The following GRM1 variants were observed in gnomAD, a reference collection of about 807,000 sequenced individuals.
GRM1 encodes glutamate metabotropic receptor 1, also known as metabotropic glutamate receptor 1.
Under a neutral mutation model 90.9 loss-of-function variants are expected in GRM1, and 33 were observed. That is an observed-to-expected ratio of 0.36 (90% CI 0.28 to 0.49). The LOEUF is 0.49. GRM1 is among the 20% of genes least tolerant of loss of function. GRM1 has a pLI of 0.99. For missense variants in GRM1, 1,190 were observed against 1,534.3 expected (o/e 0.78, Z 3.75); for synonymous variants, 700 against 613.2 (o/e 1.14, Z -2.09).
intron 1 of GRM1, among the ~76,000 whole-genome samples, chr6:146,146,158 G>A (rs897630346): frequency 6.5e-5 from 5 of 77,028 alleles, no homozygotes; most frequent in Admixed American, 4.3e-4. Context: ...GCGCCATCTC[G>A]GTTCACTGCA....
chr6:146,268,258 C>A (rs1479112989), intron 2 of GRM1, among the ~76,000 whole-genome samples: 2 of 152,168 alleles, frequency 1.3e-5, no homozygotes, highest in Non-Finnish European at 1.5e-5. Flanking sequence ...AGCCCCCGAC[C>A]TACAGTAACT....
At chr6:146,133,421 A>C (rs966040183) in intron 1 of GRM1, among the ~76,000 whole-genome samples, 1 of 152,240 alleles carries the variant, frequency 6.6e-6, no homozygotes, top group African/African-American at 2.4e-5. Flanking sequence ...ATTTGTACAC[A>C]AGGACAGGGG....
intron 2 of GRM1, among the ~76,000 whole-genome samples, chr6:146,203,166 CCT>C (rs1779375848): frequency 6.6e-6 from 1 of 151,346 alleles, no homozygotes; most frequent in African/African-American, 2.4e-5. Context: ...ATCACTCCAG[CCT>C]GGGGGACAGA....
chr6:146,396,985 CAG>C (rs1416095561), intron 6 of GRM1, among the ~76,000 whole-genome samples: 1 of 152,010 alleles, frequency 6.6e-6, no homozygotes, highest in Non-Finnish European at 1.5e-5. Context: ...TAAAATTAGC[CAG>C]AGTGAGAAAA....
intron 1 of GRM1, among the ~76,000 whole-genome samples, chr6:146,100,578 A>G (rs1021374143): frequency 1.3e-5 from 2 of 152,184 alleles, no homozygotes; most frequent in Non-Finnish European, 2.9e-5. Context: ...TTGTTTCTGA[A>G]CTTAAAATAT....
chr6:146,186,381 A>G (rs1778733235), intron 2 of GRM1, among the ~76,000 whole-genome samples: 1 of 152,128 alleles, frequency 6.6e-6, no homozygotes. Flanking sequence ...TGGGCTGGAA[A>G]TCAGTTGTCT....
chr6:146,389,655 G>A (rs1776646194), intron 6 of GRM1, among the ~76,000 whole-genome samples: 1 of 152,026 alleles, frequency 6.6e-6, no homozygotes, highest in Non-Finnish European at 1.5e-5. Context: ...GCTATCATAT[G>A]CATAAAAGTC....
rs559936005 is a variant in GRM1 at position 146,101,049 on chromosome 6, C to T, written c.701-58299C>T. Among the ~76,000 whole-genome samples the T allele has an allele frequency of 4.6e-5, 7 of 152,174 alleles. No homozygotes were observed. The South Asian group carries it at 6.2e-4, about 14-fold the overall frequency. ...TCCAGGCTGTAGAGAGCTATGATTA[C>T]GCCACTGCCTTCTAGCCTGAATGAC... On this transcript the variant is annotated intron_variant, in intron 1 of 7. Transcript: ENST00000282753.
intron 2 of GRM1, among the ~76,000 whole-genome samples, chr6:146,180,939 A>G (rs77913291): frequency 0.012 from 1,852 of 152,330 alleles, 77 homozygotes; most frequent in East Asian, 0.091. Context: ...ATGGCAGGAG[A>G]TATAATCTTA....
chr6:146,074,301 C>T (rs9373484), intron 1 of GRM1, among the ~76,000 whole-genome samples: 1 of 152,010 alleles, frequency 6.6e-6, no homozygotes, highest in Non-Finnish European at 1.5e-5. Flanking sequence ...TGTGATTTTG[C>T]CTGGTTGTTT....
chr6:146,414,623 T>C (rs549682322), intron 7 of GRM1, among the ~76,000 whole-genome samples: 11 of 152,244 alleles, frequency 7.2e-5, no homozygotes, highest in South Asian at 2.1e-4. Context: ...AGAATGGTCT[T>C]GATCTCCTGA....
intron 1 of GRM1, among the ~76,000 whole-genome samples, chr6:146,115,594 A>G (rs1259737743): frequency 6.6e-6 from 1 of 152,190 alleles, no homozygotes; most frequent in African/African-American, 2.4e-5. Flanking sequence ...CTATACCTTA[A>G]TTACATAAAT....
intron 1 of GRM1, among the ~76,000 whole-genome samples, chr6:146,053,354 A>G (rs1775364833): frequency 6.6e-6 from 1 of 152,098 alleles, no homozygotes; most frequent in Non-Finnish European, 1.5e-5. Flanking sequence ...TTTTCAATAT[A>G]TATTTGCAGA....
chr6:146,202,989 A>ATC (rs1779356725), intron 2 of GRM1, among the ~76,000 whole-genome samples: 5 of 151,908 alleles, frequency 3.3e-5, no homozygotes, highest in Admixed American at 6.6e-5. Flanking sequence ...AGGTCAGGAG[A>ATC]GAGAGACAAT....
At chr6:146,267,451 T>C (rs1363846519) in intron 2 of GRM1, among the ~76,000 whole-genome samples, 1 of 152,010 alleles carries the variant, frequency 6.6e-6, no homozygotes, top group Non-Finnish European at 1.5e-5. Context: ...ATAGAATATA[T>C]ATAGGGGAGT....
At chr6:146,304,491 A>T in intron 2 of GRM1, 120 bp from the exon 3 acceptor site, 2 of 768,452 alleles carry the variant, frequency 2.6e-6, no homozygotes, top group African/African-American at 1.7e-5. Context: ...GATGGGTAGT[A>T]ATGCTGGCTT....
chr6:146,263,739 G>A (rs753994474), intron 2 of GRM1, among the ~76,000 whole-genome samples: 1 of 151,904 alleles, frequency 6.6e-6, no homozygotes, highest in Non-Finnish European at 1.5e-5. Flanking sequence ...TAACAGAATG[G>A]CTAGTTTAAT....
intron 2 of GRM1, among the ~76,000 whole-genome samples, chr6:146,275,968 G>A (rs1453120574): frequency 6.6e-6 from 1 of 152,000 alleles, no homozygotes; most frequent in Non-Finnish European, 1.5e-5. Flanking sequence ...AATAGATGAG[G>A]AAGAGAAGAA....
intron 5 of GRM1, among the ~76,000 whole-genome samples, chr6:146,379,015 C>A (rs917168536): frequency 6.6e-6 from 1 of 152,120 alleles, no homozygotes; most frequent in African/African-American, 2.4e-5. Context: ...GTGAGTCAAA[C>A]CTTTTTCCTT....
Sources: gnomAD v4.1 joint callset for allele counts (sites outside exome capture counted in the v4.1 genomes callset) on GRCh38, gnomAD v4.1.1 for gene constraint, MANE v1.5 for transcripts, NCBI Gene and HGNC (gene_info 2026-07-23, HGNC 2026-07-21) for gene names.